VTI1A: variants seen among roughly 807,000 people sequenced by gnomAD.
VTI1A encodes vesicle transport through interaction with t-SNAREs 1A, also known as vesicle transport through interaction with t-SNAREs homolog 1A.
A neutral mutation model predicts 34.9 loss-of-function variants in VTI1A; 22 were observed. The observed-to-expected ratio is 0.63, with a 90% confidence interval of 0.45 to 0.90. The LOEUF is 0.90. Ranked by LOEUF, VTI1A falls within the 40% of genes least tolerant of loss-of-function variation. The probability of loss-of-function intolerance (pLI) is 0.00; values close to 1 mark genes in which losing one functional copy is unlikely to be tolerated. For synonymous variants in VTI1A, 87 were observed against 97.3 expected (o/e 0.89, Z 0.62); for missense variants, 268 against 275.6 (o/e 0.97, Z 0.20).
intron 3 of VTI1A, among the ~76,000 whole-genome samples, chr10:112,467,016 T>C (rs1847919991): frequency 6.6e-6 from 1 of 152,210 alleles, no homozygotes; most frequent in Non-Finnish European, 1.5e-5. Flanking sequence ...ATCATTGTAA[T>C]GTAATCACCT....
intron 3 of VTI1A, among the ~76,000 whole-genome samples, chr10:112,510,140 C>T (rs1479000263): frequency 3.9e-5 from 6 of 152,182 alleles, no homozygotes; most frequent in Non-Finnish European, 8.8e-5. Flanking sequence ...GGGCACATGT[C>T]TACCTGAAAG....
At chr10:112,732,177 C>T (rs1267725815) in intron 7 of VTI1A, among the ~76,000 whole-genome samples, 1 of 152,132 alleles carries the variant, frequency 6.6e-6, no homozygotes, top group Non-Finnish European at 1.5e-5. Context: ...ATTACCTGTA[C>T]AGCCTTTGTG....
intron 7 of VTI1A, among the ~76,000 whole-genome samples, chr10:112,722,382 G>A (rs893715095): frequency 4.6e-5 from 7 of 151,966 alleles, no homozygotes; most frequent in Non-Finnish European, 1.0e-4. Flanking sequence ...ATGGGGGAGG[G>A]ATAACATTAG....
chr10:112,829,238 A>G, the VTI1A span, among the ~76,000 whole-genome samples: 1 of 151,686 alleles, frequency 6.6e-6, no homozygotes, highest in Non-Finnish European at 1.5e-5. Flanking sequence ...AGGTCAGGAG[A>G]TCGAGACCAT....
intron 7 of VTI1A, among the ~76,000 whole-genome samples, chr10:112,780,514 C>CAGA (rs901228863): frequency 2.0e-5 from 3 of 151,998 alleles, no homozygotes; most frequent in African/African-American, 7.3e-5. Context: ...TTGCTTCTTG[C>CAGA]AGAAGGCGTT....
At chr10:112,539,471 T>C (rs1850778365) in intron 5 of VTI1A, among the ~76,000 whole-genome samples, 1 of 152,192 alleles carries the variant, frequency 6.6e-6, no homozygotes, top group African/African-American at 2.4e-5. Context: ...CCAGATTTAA[T>C]AGTTATGGAC....
chr10:112,853,897 G>A, the VTI1A span, among the ~76,000 whole-genome samples: 14 of 152,260 alleles, frequency 9.2e-5, no homozygotes, highest in Admixed American at 7.2e-4. Context: ...AGAAGCATAC[G>A]TAGGAAGAGC....
intron 5 of VTI1A, among the ~76,000 whole-genome samples, chr10:112,634,486 TACACACACACACAG>T: frequency 7.3e-6 from 1 of 137,240 alleles, no homozygotes; most frequent in African/African-American, 2.8e-5. Flanking sequence ...TCGGTGGTTA[TACACACACACACAG>T]ACACACACAC....
chr10:112,573,934 T>C (rs1043635969), intron 5 of VTI1A, among the ~76,000 whole-genome samples: 1 of 152,168 alleles, frequency 6.6e-6, no homozygotes, highest in African/African-American at 2.4e-5. Flanking sequence ...TACTTTGTCT[T>C]CCCCCAGAAG....
chr10:112,512,800 A>T (rs1017513136), intron 3 of VTI1A, among the ~76,000 whole-genome samples: 7 of 152,120 alleles, frequency 4.6e-5, no homozygotes, highest in Non-Finnish European at 8.8e-5. Context: ...TTGAAGAGCA[A>T]GTCCTTTCTC....
intron 5 of VTI1A, among the ~76,000 whole-genome samples, chr10:112,628,350 G>A (rs1467184843): frequency 3.9e-5 from 6 of 152,130 alleles, no homozygotes; most frequent in African/African-American, 7.2e-5. Flanking sequence ...GTTGCAAAAC[G>A]AGGTTATTGT....
intron 3 of VTI1A, among the ~76,000 whole-genome samples, chr10:112,517,579 A>G (rs1849830579): frequency 6.6e-6 from 1 of 152,066 alleles, no homozygotes; most frequent in Non-Finnish European, 1.5e-5. Context: ...AACTTGATAA[A>G]CACTACCTCA....
intron 7 of VTI1A, among the ~76,000 whole-genome samples, chr10:112,793,212 C>CA (rs1223081452): frequency 6.6e-6 from 1 of 152,182 alleles, no homozygotes; most frequent in Non-Finnish European, 1.5e-5. Context: ...CGACATGAGG[C>CA]AGATATCATA....
chr10:112,612,112 TA>T (rs1845339934), intron 5 of VTI1A, among the ~76,000 whole-genome samples: 1 of 152,110 alleles, frequency 6.6e-6, no homozygotes, highest in African/African-American at 2.4e-5. Context: ...CTTTTAAAAA[TA>T]AAAAAGCCAT....
At chr10:112,509,691 T>C (rs1247221574) in intron 3 of VTI1A, among the ~76,000 whole-genome samples, 2 of 152,130 alleles carry the variant, frequency 1.3e-5, no homozygotes, top group Non-Finnish European at 2.9e-5. Context: ...TTTTCCCTGG[T>C]TGGAGAGTTG....
At chr10:112,721,251 G>A (rs971946155) in intron 7 of VTI1A, among the ~76,000 whole-genome samples, 2 of 152,106 alleles carry the variant, frequency 1.3e-5, no homozygotes, top group African/African-American at 4.8e-5. Flanking sequence ...AACTTCTCAT[G>A]GTCACTGAAA....
intron 7 of VTI1A, among the ~76,000 whole-genome samples, chr10:112,702,996 C>G (rs1238348659): frequency 6.6e-6 from 1 of 152,274 alleles, no homozygotes; most frequent in East Asian, 1.9e-4. Flanking sequence ...TTATTTTAAA[C>G]TCAGTAGTGA....
chr10:112,771,947 C>T (rs1437635259), intron 7 of VTI1A, among the ~76,000 whole-genome samples: 1 of 152,158 alleles, frequency 6.6e-6, no homozygotes, highest in East Asian at 1.9e-4. Context: ...TTTTGTTTAC[C>T]TATTCTTCAG....
chr10:112,744,673 G>T (rs902398087), intron 7 of VTI1A, among the ~76,000 whole-genome samples: 2 of 151,998 alleles, frequency 1.3e-5, no homozygotes, highest in Non-Finnish European at 2.9e-5. Context: ...TCAAACTCCT[G>T]GGTTTAAGCA....
Sources: allele counts gnomAD v4.1 joint callset (sites outside exome capture counted in the v4.1 genomes callset), GRCh38; gene constraint gnomAD v4.1.1; transcripts MANE v1.5; gene names NCBI Gene and HGNC (gene_info 2026-07-23, HGNC 2026-07-21).